Variants in DMD observed in about 807,000 individuals in gnomAD.
DMD encodes dystrophin, also known as mutant dystrophin.
DMD carries 63 observed loss-of-function variants against 330.1 expected under a neutral mutation model. The observed-to-expected ratio is 0.19, with a 90% CI of 0.16 to 0.24. The LOEUF is 0.24. Ranked by LOEUF, DMD falls within the 10% of genes least tolerant of loss-of-function variation. The pLI, the probability that DMD is intolerant of heterozygous loss-of-function variation, is 1.00. For missense variants in DMD, 3,344 were observed against 2,684.1 expected, an observed-to-expected ratio of 1.25 and a Z score of -5.43; for synonymous variants, 1,223 against 959.8, an observed-to-expected ratio of 1.27 and a Z score of -5.07.
At chrX:33,019,047 C>T (rs1445037955) in intron 2 of DMD, among the ~76,000 whole-genome samples, 1 of 111,770 alleles carries the variant, frequency 8.9e-6, no homozygotes, top group African/African-American at 3.2e-5. Context: ...CAACATTCTA[C>T]TACCAAATAC....
intron 55 of DMD, among the ~76,000 whole-genome samples, chrX:31,571,054 TAAAC>T: frequency 8.9e-6 from 1 of 112,030 alleles, no homozygotes; most frequent in South Asian, 3.7e-4. Context: ...ATTAAAATGT[TAAAC>T]AGACTCATGC....
chrX:31,430,158 T>C (rs1009304773), intron 60 of DMD, among the ~76,000 whole-genome samples: 20 of 111,529 alleles, frequency 1.8e-4, no homozygotes, highest in Non-Finnish European at 3.8e-5. Context: ...CTCAGGACTA[T>C]CATTATGTAT....
At chrX:32,583,457 C>T (rs1354139759) in intron 13 of DMD, among the ~76,000 whole-genome samples, 1 of 111,492 alleles carries the variant, frequency 9.0e-6, no homozygotes, top group African/African-American at 3.3e-5. Flanking sequence ...TGAGATCTTG[C>T]CACTGCACTC....
chrX:32,634,085 T>G (rs1004527728), intron 11 of DMD, among the ~76,000 whole-genome samples: 8 of 111,576 alleles, frequency 7.2e-5, no homozygotes, highest in Non-Finnish European at 1.5e-4. Context: ...GATAAAGTCC[T>G]TCCCTCTCTT....
At chrX:32,653,143 G>A (rs1487202189) in intron 9 of DMD, among the ~76,000 whole-genome samples, 4 of 111,654 alleles carry the variant, frequency 3.6e-5, no homozygotes, top group Non-Finnish European at 7.5e-5. Context: ...CTTTTGCTTT[G>A]CAGAAGCTCC....
At position 31,473,711 on chromosome X, in the gene DMD, C is replaced by CAAAAAAAAAAAAAAAAAAAA. The variant is rs55752684; in HGVS notation, c.8937+4394_8937+4395insTTTTTTTTTTTTTTTTTTTT. Among the ~76,000 whole-genome samples, 122 of 40,105 alleles carry CAAAAAAAAAAAAAAAAAAAA rather than the reference C, an allele frequency of 3.0e-3. 4 individuals carry two copies. Among genetic ancestry groups the CAAAAAAAAAAAAAAAAAAAA allele is most frequent in the African/African-American group, 9.1e-3 (101 of 11,148 alleles). The allele number at this position is 40,105 out of a possible 115,157, so 34.8% of individuals were successfully genotyped here. On this transcript the variant is annotated intron_variant, in intron 59 of 78. Transcript: ENST00000357033. ...CTGGTGACAGAGTGAGACTCTGTCT[C>CAAAAAAAAAAAAAAAAAAAA]AAAAAAAAAAAAAAAAAGAAAACAA...
Position 32,867,342 on chromosome X carries a change from A to G in DMD, c.94-17522T>C, listed in dbSNP as rs183600998. ...AATCAAAAATAGTTCCCTGTGAACT[A>G]AAACTGTCACCTTTAGTTAGTGTTT... On this transcript the variant is annotated intron_variant, in intron 2 of 78. Transcript: ENST00000357033. Among the ~76,000 whole-genome samples the G allele has an allele frequency of 8.8e-4, 99 of 112,306 alleles. 1 individual carries two copies. The highest frequency in any genetic ancestry group is 3.1e-3 in the African/African-American group (95 of 30,927).
intron 48 of DMD, among the ~76,000 whole-genome samples, chrX:31,844,539 A>G (rs778248050): frequency 9.0e-6 from 1 of 111,331 alleles, no homozygotes; most frequent in Non-Finnish European, 1.9e-5. Flanking sequence ...GAATTTTAGG[A>G]TAGTTTTTTA....
chrX:33,154,663 C>T (rs1354970311), intron 1 of DMD, among the ~76,000 whole-genome samples: 1 of 111,467 alleles, frequency 9.0e-6, no homozygotes, highest in East Asian at 2.8e-4. Context: ...TGAAATCTTG[C>T]TATCAATTAT....
intron 7 of DMD, among the ~76,000 whole-genome samples, chrX:32,735,905 A>G (rs2068399946): frequency 8.9e-6 from 1 of 112,163 alleles, no homozygotes; most frequent in African/African-American, 3.2e-5. Context: ...CAAAAGCCAG[A>G]ACTGACAAAT....
intron 44 of DMD, among the ~76,000 whole-genome samples, chrX:31,990,304 G>A (rs968577067): frequency 1.8e-5 from 2 of 111,205 alleles, no homozygotes; most frequent in Non-Finnish European, 3.8e-5. Context: ...TTATGTAAAT[G>A]CCTTTTCCTG....
At chrX:32,654,029 A>G (rs2060371137) in intron 9 of DMD, among the ~76,000 whole-genome samples, 1 of 112,201 alleles carries the variant, frequency 8.9e-6, no homozygotes, top group African/African-American at 3.2e-5. Context: ...GAAGTTGCTT[A>G]TCAGCTTAAG....
At chrX:31,552,536 A>T (rs2147765451) in intron 55 of DMD, among the ~76,000 whole-genome samples, 1 of 111,189 alleles carries the variant, frequency 9.0e-6, no homozygotes, top group African/African-American at 3.3e-5. Context: ...AGAAGGAGGA[A>T]ATAGTCATTG....
At chrX:32,343,080 G>A in intron 40 of DMD, 54 bp downstream of exon 40, 1 of 1,100,720 alleles carries the variant, frequency 9.1e-7, no homozygotes. Flanking sequence ...GATCTTCACA[G>A]GTTAATTAAA....
At chrX:32,234,523 A>G (rs1033771024) in intron 43 of DMD, among the ~76,000 whole-genome samples, 2 of 111,953 alleles carry the variant, frequency 1.8e-5, no homozygotes, top group East Asian at 5.6e-4. Context: ...CCAGGGCATC[A>G]GAATTTTCAC....
intron 7 of DMD, among the ~76,000 whole-genome samples, chrX:32,768,161 AAT>A (rs1437245768): frequency 4.5e-5 from 5 of 111,993 alleles, no homozygotes; most frequent in Admixed American, 1.9e-4. Flanking sequence ...ACAAAAGAAA[AAT>A]ATGTTAAAAA....
intron 1 of DMD, among the ~76,000 whole-genome samples, chrX:33,073,035 T>C (rs996245815): frequency 1.8e-5 from 2 of 112,332 alleles, no homozygotes; most frequent in East Asian, 2.8e-4. Context: ...TTTAATGTTA[T>C]TTATCAGTTT....
At chrX:31,939,577 A>G (rs2094966084) in intron 45 of DMD, among the ~76,000 whole-genome samples, 1 of 111,632 alleles carries the variant, frequency 9.0e-6, no homozygotes, top group South Asian at 3.8e-4. Flanking sequence ...TTAAAATTAG[A>G]ACAATAAACA....
At chrX:32,929,768 T>C (rs1482587375) in intron 2 of DMD, among the ~76,000 whole-genome samples, 1 of 110,833 alleles carries the variant, frequency 9.0e-6, no homozygotes, top group Admixed American at 9.7e-5. Flanking sequence ...TGTGTCCATG[T>C]GTTCTTGTTG....
Sources: gnomAD v4.1 joint callset for allele counts (sites outside exome capture counted in the v4.1 genomes callset) on GRCh38, gnomAD v4.1.1 for gene constraint, MANE v1.5 for transcripts, NCBI Gene and HGNC (gene_info 2026-07-23, HGNC 2026-07-21) for gene names.